Variants in NUF2 observed in about 807,000 individuals in gnomAD.
The protein encoded by NUF2 is NUF2 component of NDC80 kinetochore complex, also known as kinetochore protein Nuf2.
Under a neutral mutation model 61.8 loss-of-function variants are expected in NUF2, and 34 were observed. That is an observed-to-expected ratio of 0.55 (90% CI 0.42 to 0.73). The LOEUF is 0.73. Ranked by LOEUF, NUF2 falls within the 30% of genes least tolerant of loss-of-function variation. NUF2 has a pLI of 0.00. For missense variants in NUF2, 445 were observed against 539.1 expected, an observed-to-expected ratio of 0.83 and a Z score of 1.73; for synonymous variants, 172 against 181.6, an observed-to-expected ratio of 0.95 and a Z score of 0.42.
At chr1:163,350,043 TG>T (rs1197749412) in intron 13 of NUF2, among the ~76,000 whole-genome samples, 5 of 151,954 alleles carry the variant, frequency 3.3e-5, no homozygotes, top group African/African-American at 1.2e-4. Flanking sequence ...GGCTCATGCC[TG>T]TAATCCCAGC....
chr1:163,322,778 A>G (rs1650277489), intron 1 of NUF2: 2 of 152,218 alleles, frequency 1.3e-5, no homozygotes, highest in Non-Finnish European at 2.9e-5. Context: ...GAGAAACCAG[A>G]TGAGTAATTA....
In NUF2 at chr1:163,339,476, CG is replaced by C; in HGVS notation, c.606+1del. 1 of 1,597,450 alleles carries C rather than the reference CG, an allele frequency of 6.3e-7. No homozygotes were observed. The highest frequency in any genetic ancestry group is 8.6e-7 in the Non-Finnish European group (1 of 1,165,360). On this transcript the variant is annotated frameshift_variant and splice_region_variant, in exon 8 of 14. Coordinates refer to ENST00000271452, the MANE Select transcript of NUF2 (RefSeq NM_145697.3). LOFTEE classifies it high-confidence loss of function. ...CTAAATCAGGATTTTCATCAAAAAA[CG>C]GTATCTGTTGTGAGGCACCTTAAAC... ...QSLNQDFHQK[T>X]IVLQEGNSQK...
chr1:163,336,509 A>G (rs1024952035), intron 5 of NUF2, among the ~76,000 whole-genome samples: 2 of 152,000 alleles, frequency 1.3e-5, no homozygotes, highest in African/African-American at 2.4e-5. Flanking sequence ...TTAATATGGG[A>G]GGGTAATTCT....
At chr1:163,327,140 A>ACAC (rs951053239) in intron 2 of NUF2, among the ~76,000 whole-genome samples, 4 of 148,506 alleles carry the variant, frequency 2.7e-5, no homozygotes, top group African/African-American at 9.9e-5. Context: ...ACACACACAC[A>ACAC]CATTTTCCAT....
intron 11 of NUF2, 53 bp downstream of exon 11, chr1:163,345,871 T>C: frequency 1.6e-6 from 2 of 1,251,352 alleles, no homozygotes; most frequent in Non-Finnish European, 2.2e-6. Flanking sequence ...CTTACTATAG[T>C]TCCTTGTATT....
chr1:163,337,997 G>C (rs772116327), intron 6 of NUF2, 23 bp from the exon 7 acceptor site: 10 of 1,578,302 alleles, frequency 6.3e-6, no homozygotes, highest in Non-Finnish European at 8.7e-6. Flanking sequence ...ACTAATATGA[G>C]ATGATTAAAA....
chr1:163,336,531 T>C (rs1486995576), intron 5 of NUF2, among the ~76,000 whole-genome samples: 4 of 152,150 alleles, frequency 2.6e-5, no homozygotes, highest in South Asian at 2.1e-4. Flanking sequence ...GTTTCTGTTA[T>C]TTCTTCATGA....
intron 9 of NUF2, among the ~76,000 whole-genome samples, chr1:163,341,309 G>C (rs7540591): frequency 3.3e-5 from 5 of 151,784 alleles, no homozygotes; most frequent in Admixed American, 3.3e-4. Context: ...TCCTGGGTTC[G>C]AGCGATTCTT....
chr1:163,332,763 G>A (rs1012034989), intron 5 of NUF2, among the ~76,000 whole-genome samples: 8 of 151,916 alleles, frequency 5.3e-5, no homozygotes, highest in African/African-American at 1.9e-4. Context: ...ATTGCATTTA[G>A]GGCCCACCTA....
At chr1:163,344,623 C>G (rs986338395) in intron 10 of NUF2, among the ~76,000 whole-genome samples, 4 of 62,792 alleles carry the variant, frequency 6.4e-5, no homozygotes, top group Non-Finnish European at 4.0e-5. Context: ...GATGGATTGA[C>G]GTGGTGCAAT....
At chr1:163,327,431 T>C in intron 2 of NUF2, 57 bp from the exon 3 acceptor site, 1 of 874,908 alleles carries the variant, frequency 1.1e-6, no homozygotes, top group Non-Finnish European at 1.9e-6. Context: ...GTAATGATGA[T>C]AGTGACATAG....
intron 13 of NUF2, among the ~76,000 whole-genome samples, chr1:163,355,133 A>G (rs1651446056): frequency 3.5e-5 from 1 of 28,536 alleles, no homozygotes; most frequent in Admixed American, 4.0e-4. Flanking sequence ...TTCCTTAAGT[A>G]GCAAACTTTT....
At chr1:163,324,408 T>A (rs61812214) in intron 1 of NUF2, among the ~76,000 whole-genome samples, 2,353 of 152,322 alleles carry the variant, frequency 0.015, 23 homozygotes, top group Non-Finnish European at 0.025. Context: ...TTGTCACATG[T>A]TCAAGTTGAA....
Position 163,326,030 on chromosome 1 carries a change from A to C in NUF2, c.-20-2A>C. On this transcript the variant is annotated splice_acceptor_variant, in intron 1 of 13. Coordinates refer to ENST00000271452, the MANE Select transcript of NUF2 (RefSeq NM_145697.3). LOFTEE classifies it low-confidence loss of function (5UTR_SPLICE). ...ATTTCTCATTGTTTTTTCTTCCTTC[A>C]GATTAACAGGAAACTTCCAAGATGG... is the stretch of plus-strand genomic sequence containing the variant. The C allele has an allele frequency of 6.2e-7, 1 of 1,606,862 alleles. No homozygotes were observed. Among genetic ancestry groups the C allele is most frequent in the Middle Eastern group, 1.7e-4 (1 of 5,936 alleles).
At chr1:163,342,110 G>A (rs1047706707) in intron 9 of NUF2, among the ~76,000 whole-genome samples, 7 of 151,962 alleles carry the variant, frequency 4.6e-5, no homozygotes, top group East Asian at 1.9e-4. Context: ...GGTCCTATTC[G>A]TCAGATTATT....
At chr1:163,324,072 G>A (rs1288680563) in intron 1 of NUF2, among the ~76,000 whole-genome samples, 1 of 152,172 alleles carries the variant, frequency 6.6e-6, no homozygotes, top group Admixed American at 6.5e-5. Flanking sequence ...AAAATAGTGT[G>A]TGTTAGAGGA....
At chr1:163,327,642 T>C in intron 3 of NUF2, 80 bp downstream of exon 3, 1 of 845,684 alleles carries the variant, frequency 1.2e-6, no homozygotes, top group Non-Finnish European at 2.0e-6. Flanking sequence ...CTGCTTACAA[T>C]GCATACTGGC....
intron 13 of NUF2, among the ~76,000 whole-genome samples, chr1:163,353,396 C>CTGT (rs1005936793): frequency 2.6e-5 from 4 of 152,186 alleles, no homozygotes; most frequent in Admixed American, 2.0e-4. Flanking sequence ...GAACTTTCTG[C>CTGT]TGTAATGAGA....
intron 11 of NUF2, 142 bp downstream of exon 11, chr1:163,345,960 A>G (rs1033612670): frequency 1.7e-5 from 9 of 532,482 alleles, no homozygotes; most frequent in Non-Finnish European, 2.5e-5. Context: ...AATGTATGCT[A>G]TGAAAAAGAC....
Sources: allele counts gnomAD v4.1 joint callset (sites outside exome capture counted in the v4.1 genomes callset), GRCh38; gene constraint gnomAD v4.1.1; transcripts MANE v1.5; gene names NCBI Gene and HGNC (gene_info 2026-07-23, HGNC 2026-07-21).